DENND5A: variants seen among roughly 807,000 people sequenced by gnomAD.
The protein encoded by DENND5A is DENN domain-containing protein 5A.
In DENND5A, 64 loss-of-function variants were observed where a neutral mutation model predicts 140.3. The ratio of observed to expected loss-of-function variants is 0.46; its 90% CI spans 0.37 to 0.56. DENND5A has a LOEUF of 0.56. Among genes scored for constraint, DENND5A ranks in the 20% least tolerant of loss-of-function variants. The pLI is 0.00. For synonymous variants in DENND5A, 605 were observed against 607.7 expected (o/e 1.00, Z 0.07); for missense variants, 1,292 against 1,593.8 (o/e 0.81, Z 3.22).
At chr11:9,199,241 T>C (rs994760496) in intron 4 of DENND5A, among the ~76,000 whole-genome samples, 1 of 152,038 alleles carries the variant, frequency 6.6e-6, no homozygotes, top group African/African-American at 2.4e-5. Flanking sequence ...CTCATGCCTG[T>C]AATCCCAGCA....
intron 1 of DENND5A, among the ~76,000 whole-genome samples, chr11:9,251,585 C>T (rs1851721867): frequency 1.3e-5 from 2 of 152,174 alleles, no homozygotes; most frequent in African/African-American, 2.4e-5. Flanking sequence ...TGCCAGGATT[C>T]TACCACTCAT....
chr11:9,175,015 AG>A (rs1489172511), intron 8 of DENND5A, among the ~76,000 whole-genome samples: 1 of 152,174 alleles, frequency 6.6e-6, no homozygotes, highest in African/African-American at 2.4e-5. Flanking sequence ...AAAGGTATCC[AG>A]GGTGGTGGAA....
intron 13 of DENND5A, among the ~76,000 whole-genome samples, chr11:9,151,609 A>C (rs1481378842): frequency 6.6e-6 from 1 of 152,204 alleles, no homozygotes; most frequent in African/African-American, 2.4e-5. Context: ...ACATCCAAGA[A>C]AGGTAAACAA....
At chr11:9,255,591 C>T (rs963281966) in intron 1 of DENND5A, among the ~76,000 whole-genome samples, 6 of 151,880 alleles carry the variant, frequency 4.0e-5, no homozygotes, top group Non-Finnish European at 8.8e-5. Context: ...AATTGACTGG[C>T]GCAGTGGCTC....
At chr11:9,229,899 C>CTTTTTTTTT (rs71062816) in intron 1 of DENND5A, among the ~76,000 whole-genome samples, 3 of 64,904 alleles carry the variant, frequency 4.6e-5, no homozygotes, top group Non-Finnish European at 7.9e-5. Context: ...GCTCCCATTT[C>CTTTTTTTTT]TTTTTTTTTT....
At chr11:9,249,681 G>A (rs751220400) in intron 1 of DENND5A, among the ~76,000 whole-genome samples, 17 of 151,976 alleles carry the variant, frequency 1.1e-4, no homozygotes, top group Admixed American at 3.3e-4. Context: ...CCAAGTAGCT[G>A]GGATTACAGG....
At chr11:9,189,797 T>C (rs568333801) in intron 5 of DENND5A, among the ~76,000 whole-genome samples, 1 of 152,188 alleles carries the variant, frequency 6.6e-6, no homozygotes, top group African/African-American at 2.4e-5. Context: ...TGTGCCACCA[T>C]GCCCAGCCAA....
chr11:9,181,524 A>G (rs1420561498), intron 5 of DENND5A, among the ~76,000 whole-genome samples: 2 of 151,934 alleles, frequency 1.3e-5, no homozygotes, highest in Admixed American at 6.6e-5. Flanking sequence ...ACTTGAACCC[A>G]GACTGTTGCC....
chr11:9,193,841 G>A (rs78713286), intron 4 of DENND5A, among the ~76,000 whole-genome samples, 160 bp from the exon 5 acceptor site: 13 of 152,328 alleles, frequency 8.5e-5, no homozygotes, highest in African/African-American at 3.1e-4. Context: ...CCTTGAGGGT[G>A]TCCAAGAGAC....
At chr11:9,251,318 C>CA in intron 1 of DENND5A, among the ~76,000 whole-genome samples, 1 of 151,996 alleles carries the variant, frequency 6.6e-6, no homozygotes, top group East Asian at 1.9e-4. Flanking sequence ...GATGGCCAAG[C>CA]AAAATTTTAA....
rs754451263 is a variant in DENND5A, at chr11:9,165,943, T to C, written c.2176A>G (p.Met726Val). ...REKYIQEARTMGSTIRQPKLS... is the reference protein window; with the variant it reads ...REKYIQEARTVGSTIRQPKLS... The stretch of plus-strand genomic sequence containing the variant: ...TTGGGCTGGCGGATAGTGCTGCCCA[T>C]AGTCCTGGCTTCCTGGATGTACTTC... The change falls in exon 11 of 23, where the codon ATG (methionine) becomes GTG (valine). Residue 726 changes from methionine (M) to valine (V), a missense_variant. Physicochemically the swap from Met to Val is conservative, Grantham distance 21. Coordinates refer to ENST00000328194, the MANE Select transcript of DENND5A (RefSeq NM_015213.4). 37 of 1,614,036 alleles carry C rather than the reference T, an allele frequency of 2.3e-5. No homozygotes were observed. The highest frequency in any genetic ancestry group is 6.7e-5 in the African/African-American group (5 of 74,930).
intron 12 of DENND5A, among the ~76,000 whole-genome samples, chr11:9,152,949 G>C (rs908568366): frequency 6.6e-6 from 1 of 150,376 alleles, no homozygotes; most frequent in Non-Finnish European, 1.5e-5. Context: ...AGTGAGCCTA[G>C]ATCGCACCAT....
chr11:9,165,726 G>A (rs1848166451), intron 11 of DENND5A, 110 bp downstream of exon 11: 9 of 1,324,616 alleles, frequency 6.8e-6, no homozygotes, highest in Non-Finnish European at 7.4e-6. Context: ...GAGCCATCAC[G>A]CCCAGCCAAC....
chr11:9,188,298 C>G (rs1397012904), intron 5 of DENND5A, among the ~76,000 whole-genome samples: 1 of 152,198 alleles, frequency 6.6e-6, no homozygotes, highest in Admixed American at 6.5e-5. Flanking sequence ...GAGGCTTCCC[C>G]AGCCACGAGG....
intron 6 of DENND5A, 127 bp downstream of exon 6, chr11:9,180,640 A>G: frequency 1.1e-6 from 1 of 893,724 alleles, no homozygotes; most frequent in Non-Finnish European, 1.7e-6. Context: ...CCCATACAGA[A>G]CATTCTTTCA....
intron 5 of DENND5A, among the ~76,000 whole-genome samples, chr11:9,189,983 C>T (rs1391032767): frequency 1.3e-5 from 2 of 152,194 alleles, no homozygotes; most frequent in Non-Finnish European, 2.9e-5. Flanking sequence ...ACGTGAGACA[C>T]GGAGTCAAAG....
chr11:9,147,571 T>C (rs1564881120), intron 15 of DENND5A, among the ~76,000 whole-genome samples: 1 of 152,148 alleles, frequency 6.6e-6, no homozygotes, highest in Non-Finnish European at 1.5e-5. Flanking sequence ...CCAGGCCTAG[T>C]TTCGAACCCT....
chr11:9,165,621 A>G (rs1409271044), intron 11 of DENND5A, among the ~76,000 whole-genome samples: 1 of 152,106 alleles, frequency 6.6e-6, no homozygotes, highest in Non-Finnish European at 1.5e-5. Context: ...TTTTGTAAAG[A>G]CAGGATCTCA....
chr11:9,226,479 C>A (rs1016535243), intron 1 of DENND5A, among the ~76,000 whole-genome samples: 3 of 152,150 alleles, frequency 2.0e-5, no homozygotes, highest in Admixed American at 6.6e-5. Context: ...GTTTCTGGGG[C>A]TATTTCAATC....
Sources: allele counts gnomAD v4.1 joint callset (sites outside exome capture counted in the v4.1 genomes callset), GRCh38; gene constraint gnomAD v4.1.1; transcripts MANE v1.5; gene names NCBI Gene and HGNC (gene_info 2026-07-23, HGNC 2026-07-21).